ANKS1B: variants seen among roughly 807,000 people sequenced by gnomAD.
ANKS1B encodes ankyrin repeat and sterile alpha motif domain containing 1B, also known as ankyrin repeat and sterile alpha motif domain-containing protein 1B.
Under a neutral mutation model 148.3 loss-of-function variants are expected in ANKS1B, and 36 were observed. That is an observed-to-expected ratio of 0.24 (90% confidence interval 0.19 to 0.32). ANKS1B has a LOEUF of 0.32. Among genes scored for constraint, ANKS1B ranks in the 10% least tolerant of loss-of-function variants. The probability of loss-of-function intolerance (pLI) is 1.00; values close to 1 mark genes in which losing one functional copy is unlikely to be tolerated. For synonymous variants in ANKS1B, 542 were observed against 560.8 expected, an observed-to-expected ratio of 0.97 and a Z score of 0.47; for missense variants, 1,157 against 1,542.6, an observed-to-expected ratio of 0.75 and a Z score of 4.19.
intron 12 of ANKS1B, among the ~76,000 whole-genome samples, chr12:99,289,914 C>A (rs1228937793): frequency 1.3e-5 from 2 of 151,004 alleles, no homozygotes; most frequent in African/African-American, 4.9e-5. Flanking sequence ...TAGAAGAAAG[C>A]AATAATAAAG....
intron 4 of ANKS1B, among the ~76,000 whole-genome samples, chr12:99,790,753 AC>A (rs989865906): frequency 6.6e-6 from 1 of 152,114 alleles, no homozygotes; most frequent in African/African-American, 2.4e-5. Flanking sequence ...AAATAAAAAA[AC>A]ATACAATGGG....
At chr12:98,928,704 T>C (rs1304984504) in intron 17 of ANKS1B, among the ~76,000 whole-genome samples, 1 of 151,918 alleles carries the variant, frequency 6.6e-6, no homozygotes, top group Non-Finnish European at 1.5e-5. Context: ...ATGAGCACAA[T>C]AGATGCAGGA....
At chr12:98,982,664 CCTT>C (rs1387644489) in intron 17 of ANKS1B, among the ~76,000 whole-genome samples, 34 of 152,220 alleles carry the variant, frequency 2.2e-4, no homozygotes, top group African/African-American at 7.7e-4. Flanking sequence ...TTGCATATAT[CCTT>C]CTTCAATTTT....
At chr12:99,961,666 T>C (rs146444826) in intron 1 of ANKS1B, among the ~76,000 whole-genome samples, 8 of 151,540 alleles carry the variant, frequency 5.3e-5, no homozygotes, top group Admixed American at 1.3e-4. Context: ...ATGGATCTTG[T>C]ACCCTTTTCT....
chr12:99,246,801 C>T lies in ANKS1B; in HGVS notation c.1820G>A (p.Gly607Asp), dbSNP rs1384260750. 2 of 1,612,330 alleles carry T rather than the reference C, an allele frequency of 1.2e-6. No homozygotes were observed. Among genetic ancestry groups the T allele is most frequent in the East Asian group, 4.5e-5 (2 of 44,844 alleles). Reference protein sequence around the residue: ...PKEYDPGQFAGLLHGSSPACE... With the variant: ...PKEYDPGQFADLLHGSSPACE... ...GGCTGGAGAGGATCCATGGAGCAGG[C>T]CTGCAAATTGCCCAGGATCATATTC... Residue 607 changes from glycine to aspartate, a missense_variant, in exon 13 of 27, where the codon GGC (glycine) becomes GAC (aspartate). Physicochemically the swap from Gly to Asp is moderately conservative, Grantham distance 94. Transcript: ENST00000683438.
chr12:99,463,389 C>G (rs2096021908), intron 10 of ANKS1B, among the ~76,000 whole-genome samples: 1 of 152,208 alleles, frequency 6.6e-6, no homozygotes, highest in African/African-American at 2.4e-5. Flanking sequence ...TTCTGCATTT[C>G]CATCTGAGGT....
intron 9 of ANKS1B, among the ~76,000 whole-genome samples, chr12:99,593,557 C>T (rs757777212): frequency 3.3e-5 from 5 of 151,870 alleles, no homozygotes; most frequent in Non-Finnish European, 5.9e-5. Flanking sequence ...TCTTCTCATC[C>T]GAATACTGGA....
At chr12:99,686,789 T>C (rs1438611412) in intron 8 of ANKS1B, among the ~76,000 whole-genome samples, 3 of 152,170 alleles carry the variant, frequency 2.0e-5, no homozygotes, top group Non-Finnish European at 4.4e-5. Context: ...GTTGTTGCCA[T>C]ATATTTTAAG....
chr12:99,792,200 A>G (rs899017958), intron 4 of ANKS1B, among the ~76,000 whole-genome samples: 2 of 151,990 alleles, frequency 1.3e-5, no homozygotes, highest in African/African-American at 4.8e-5. Flanking sequence ...ACCATTAACA[A>G]TTCCAAAGCC....
chr12:99,748,654 T>C (rs1036454867), intron 8 of ANKS1B, among the ~76,000 whole-genome samples: 2 of 151,900 alleles, frequency 1.3e-5, no homozygotes, highest in South Asian at 4.1e-4. Context: ...TGGAAGGAGA[T>C]AGAAAATAAA....
intron 12 of ANKS1B, among the ~76,000 whole-genome samples, chr12:99,285,273 C>T (rs1218322647): frequency 1.3e-5 from 2 of 152,126 alleles, no homozygotes; most frequent in East Asian, 3.9e-4. Flanking sequence ...GATATTTATC[C>T]ATGTTGTTTA....
At chr12:99,346,928 A>T (rs377527964) in intron 12 of ANKS1B, among the ~76,000 whole-genome samples, 1 of 151,962 alleles carries the variant, frequency 6.6e-6, no homozygotes, top group African/African-American at 2.4e-5. Context: ...CCAGTGGAAG[A>T]GGTTTATAGT....
chr12:98,884,637 A>C (rs2099734256), intron 17 of ANKS1B, among the ~76,000 whole-genome samples: 2 of 151,470 alleles, frequency 1.3e-5, no homozygotes, highest in Non-Finnish European at 2.9e-5. Context: ...GTCTCTACTA[A>C]AAATACAAAA....
intron 11 of ANKS1B, among the ~76,000 whole-genome samples, chr12:99,408,802 T>G (rs1374408911): frequency 6.9e-6 from 1 of 145,674 alleles, no homozygotes; most frequent in East Asian, 1.9e-4. Context: ...CAAGGAAATA[T>G]CACCTCACCC....
intron 11 of ANKS1B, among the ~76,000 whole-genome samples, chr12:99,417,395 A>G (rs1008997789): frequency 6.6e-6 from 1 of 152,126 alleles, no homozygotes; most frequent in Non-Finnish European, 1.5e-5. Context: ...CTTCTGTCCT[A>G]TTGATCTAAG....
chr12:99,096,813 G>C (rs2056313149), intron 15 of ANKS1B, among the ~76,000 whole-genome samples: 1 of 152,162 alleles, frequency 6.6e-6, no homozygotes, highest in African/African-American at 2.4e-5. Context: ...CTCCTGTCTA[G>C]TTTTTCAAGT....
intron 17 of ANKS1B, among the ~76,000 whole-genome samples, chr12:99,000,064 A>G (rs949680373): frequency 8.5e-5 from 13 of 152,112 alleles, no homozygotes; most frequent in Non-Finnish European, 1.5e-4. Flanking sequence ...AAATGCTAAG[A>G]AACGGGTGGG....
At chr12:99,718,378 C>G (rs925608676) in intron 8 of ANKS1B, among the ~76,000 whole-genome samples, 1 of 152,082 alleles carries the variant, frequency 6.6e-6, no homozygotes, top group African/African-American at 2.4e-5. Context: ...TGTATCCCCC[C>G]ACCTTAACCC....
At chr12:99,120,858 G>T (rs2062616702) in intron 15 of ANKS1B, among the ~76,000 whole-genome samples, 1 of 152,076 alleles carries the variant, frequency 6.6e-6, no homozygotes, top group East Asian at 1.9e-4. Flanking sequence ...GAAATTATCT[G>T]GGCATTGGTG....
Sources: gnomAD v4.1 joint callset for allele counts (sites outside exome capture counted in the v4.1 genomes callset) on GRCh38, gnomAD v4.1.1 for gene constraint, MANE v1.5 for transcripts, NCBI Gene and HGNC (gene_info 2026-07-23, HGNC 2026-07-21) for gene names.